SRP72: variants seen among roughly 807,000 people sequenced by gnomAD.
The protein encoded by SRP72 is signal recognition particle subunit SRP72.
SRP72 carries 49 observed loss-of-function variants against 96.3 expected under a neutral mutation model. That is an observed-to-expected ratio of 0.51 (90% CI 0.40 to 0.65). The LOEUF is 0.65. Ranked by LOEUF, SRP72 falls within the 30% of genes least tolerant of loss-of-function variation. SRP72 has a pLI of 0.00. For missense variants in SRP72, 736 were observed against 793.3 expected (o/e 0.93, Z 0.87); for synonymous variants, 267 against 275.2 (o/e 0.97, Z 0.30).
At chr4:56,472,363 T>C (rs1219291680) in intron 3 of SRP72, among the ~76,000 whole-genome samples, 1 of 151,004 alleles carries the variant, frequency 6.6e-6, no homozygotes, top group Non-Finnish European at 1.5e-5. Flanking sequence ...TTTTTTTTTT[T>C]TTTTAATGGA....
At chr4:56,497,740 A>G (rs1342175085) in intron 17 of SRP72, among the ~76,000 whole-genome samples, 1 of 151,926 alleles carries the variant, frequency 6.6e-6, no homozygotes, top group Non-Finnish European at 1.5e-5. Flanking sequence ...ATAAATTTCT[A>G]GAAGTCTATA....
At chr4:56,479,349 T>C (rs1720378891) in intron 8 of SRP72, among the ~76,000 whole-genome samples, 1 of 151,594 alleles carries the variant, frequency 6.6e-6, no homozygotes, top group East Asian at 2.0e-4. Flanking sequence ...CTGTCTAATT[T>C]TTCGTATTTT....
chr4:56,490,694 T>G (rs1280587695), intron 15 of SRP72, 49 bp downstream of exon 15: 1 of 1,459,472 alleles, frequency 6.9e-7, no homozygotes, highest in East Asian at 2.3e-5. Context: ...GCACAATAGA[T>G]CTCTTCTGAT....
intron 18 of SRP72, 62 bp from the exon 19 acceptor site, chr4:56,501,622 A>G: frequency 6.9e-7 from 1 of 1,451,890 alleles, no homozygotes; most frequent in Non-Finnish European, 9.5e-7. Context: ...CCATGTACAT[A>G]CATTTTTATA....
rs887386985 is a variant in SRP72, at chr4:56,476,868, T to C, written c.642+166T>C. On this transcript the variant is annotated intron_variant, in intron 6 of 18. Coordinates refer to ENST00000642900, the MANE Select transcript of SRP72 (RefSeq NM_006947.4). ...GTATCAGTTATTTGATGAAGTCTACTAGAGTGAGAAATCACAATACAAAAA... is the reference window on the plus strand; with the variant it reads ...GTATCAGTTATTTGATGAAGTCTACCAGAGTGAGAAATCACAATACAAAAA... 9 of 643,894 alleles carry C rather than the reference T, an allele frequency of 1.4e-5. No individual in the cohort carries two copies. In the South Asian group the frequency reaches 2.0e-4, roughly 15 times the overall value. The allele number at this position is 643,894 out of a possible 1,614,324, so 39.9% of individuals were successfully genotyped here.
chr4:56,474,736 G>T (rs1219620508), intron 5 of SRP72, among the ~76,000 whole-genome samples: 1 of 152,114 alleles, frequency 6.6e-6, no homozygotes, highest in Non-Finnish European at 1.5e-5. Context: ...TAGAAATGGG[G>T]TTTCACCATA....
rs370369460 is a variant in SRP72 at position 56,474,210 on chromosome 4, G to C, written c.498+13G>C. 1 of 1,614,090 alleles carries C rather than the reference G, an allele frequency of 6.2e-7. No individual in the cohort carries two copies. The highest frequency in any genetic ancestry group is 1.1e-5 in the South Asian group (1 of 91,064). ...AAAAGTGGTTCCAGTGAGTATCCTT[G>C]TGGTGTACCCATACAGTCATGAATT... On this transcript the variant is annotated intron_variant, in intron 4 of 18. Transcript: ENST00000642900.
Position 56,501,683 on chromosome 4 carries a change from G to C in SRP72, c.1839-1G>C. 6.2e-7 allele frequency: 1 copy of C among 1,612,182 alleles called. No individual in the cohort carries two copies. The highest frequency in any genetic ancestry group is 8.5e-7 in the Non-Finnish European group (1 of 1,179,478). ...GACCAAAAATGATCTGATGATTTCA[G>C]GGATGCCAGTAAAACTGTGAGCAGC... On this transcript the variant is annotated splice_acceptor_variant, in intron 18 of 18. Coordinates refer to ENST00000642900, the MANE Select transcript of SRP72 (RefSeq NM_006947.4). LOFTEE classifies it high-confidence loss of function.
chr4:56,469,912 CAAT>C (rs1719901598), intron 2 of SRP72, 139 bp downstream of exon 2: 2 of 673,182 alleles, frequency 3.0e-6, no homozygotes, highest in South Asian at 3.3e-5. Flanking sequence ...TTTTGCTTGT[CAAT>C]AATGTTTCTG....
Position 56,490,558 on chromosome 4 carries a change from C to A in SRP72, c.1425-10C>A. 1 of 1,612,202 alleles carries A rather than the reference C, an allele frequency of 6.2e-7. No homozygotes were observed. The highest frequency in any genetic ancestry group is 2.2e-5 in the East Asian group (1 of 44,844). On this transcript the variant is annotated splice_polypyrimidine_tract_variant and intron_variant, in intron 14 of 18. Transcript: ENST00000642900. ...AAACAGTTCAATAATTTTCTTATTT[C>A]TTCTTTTAGACAAAATCCAAAAGAT...
At chr4:56,477,741 G>A (rs1720304681) in intron 6 of SRP72, among the ~76,000 whole-genome samples, 1 of 152,134 alleles carries the variant, frequency 6.6e-6, no homozygotes, top group Non-Finnish European at 1.5e-5. Flanking sequence ...AAGGACTGTT[G>A]TCTCCTAGTC....
intron 17 of SRP72, 148 bp from the exon 18 acceptor site, chr4:56,500,388 C>A: frequency 1.2e-6 from 1 of 823,242 alleles, no homozygotes; most frequent in South Asian, 2.1e-5. Context: ...AAGACCATTT[C>A]GCCTGCTAGA....
chr4:56,478,814 A>G (rs1371430383), intron 8 of SRP72, among the ~76,000 whole-genome samples, 165 bp downstream of exon 8: 1 of 152,208 alleles, frequency 6.6e-6, no homozygotes, highest in African/African-American at 2.4e-5. Context: ...TCCTAATGAT[A>G]ATGATGCTGC....
rs139754713 is a variant in SRP72 at position 56,492,090 on chromosome 4, C to T, written c.1640+522C>T. Among the ~76,000 whole-genome samples the T allele has an allele frequency of 1.3e-3, 205 of 152,332 alleles. 1 individual carries two copies. The highest frequency in any genetic ancestry group is 4.2e-3 in the African/African-American group (175 of 41,578). ...CTGACCTCAAGTGATCTGCCCACCT[C>T]GGCCTCCCAAAGTGCTGGGCACCAC... On this transcript the variant is annotated intron_variant, in intron 16 of 18. Transcript: ENST00000642900.
intron 5 of SRP72, 141 bp from the exon 6 acceptor site, chr4:56,476,530 C>G: frequency 1.2e-6 from 1 of 801,712 alleles, no homozygotes; most frequent in Non-Finnish European, 2.0e-6. Context: ...ATATTTGATG[C>G]TAATGTAAAT....
intron 8 of SRP72, among the ~76,000 whole-genome samples, chr4:56,482,592 C>A (rs754194686): frequency 6.6e-6 from 1 of 152,056 alleles, no homozygotes; most frequent in African/African-American, 2.4e-5. Context: ...TGCTTTATTG[C>A]GGTAGTCTGG....
At chr4:56,474,653 C>T (rs1021694531) in intron 5 of SRP72, 20 of 525,198 alleles carry the variant, frequency 3.8e-5, no homozygotes, top group Middle Eastern at 4.9e-4. Flanking sequence ...AAGCAATTCT[C>T]CTGCCTCAGC....
intron 17 of SRP72, among the ~76,000 whole-genome samples, chr4:56,496,650 A>G (rs541691979): frequency 3.9e-5 from 6 of 152,302 alleles, no homozygotes; most frequent in Admixed American, 6.5e-5. Context: ...GTTGTTATCT[A>G]TCATTATAGA....
At chr4:56,478,702 C>T in intron 8 of SRP72, 53 bp downstream of exon 8, 1 of 1,553,360 alleles carries the variant, frequency 6.4e-7, no homozygotes, top group South Asian at 1.2e-5. Context: ...AAGCTCATCA[C>T]CCTAGTTTTA....
Sources: gnomAD v4.1 joint callset for allele counts (sites outside exome capture counted in the v4.1 genomes callset) on GRCh38, gnomAD v4.1.1 for gene constraint, MANE v1.5 for transcripts, NCBI Gene and HGNC (gene_info 2026-07-23, HGNC 2026-07-21) for gene names.